The following WDR20 variants were observed in gnomAD, a reference collection of about 807,000 sequenced individuals.
The protein encoded by WDR20 is WD repeat domain 20, also known as WD repeat-containing protein 20.
WDR20 carries 3 observed loss-of-function variants against 38.7 expected under a neutral mutation model. The observed-to-expected ratio is 0.08, with a 90% CI of 0.04 to 0.20. WDR20 has a LOEUF of 0.20. WDR20 is among the 10% of genes least tolerant of loss of function. WDR20 has a pLI of 1.00. For synonymous variants in WDR20, 298 were observed against 285.6 expected, an observed-to-expected ratio of 1.04 and a Z score of -0.44; for missense variants, 559 against 727.7, an observed-to-expected ratio of 0.77 and a Z score of 2.67.
At chr14:102,165,269 C>A (rs1471139493) in intron 1 of WDR20, among the ~76,000 whole-genome samples, 2 of 152,166 alleles carry the variant, frequency 1.3e-5, no homozygotes, top group African/African-American at 4.8e-5. Flanking sequence ...TGGGTGGCTG[C>A]TGGGTTCAGT....
chr14:102,217,672 G>A (rs1165595544), downstream of WDR20, among the ~76,000 whole-genome samples: 1 of 152,228 alleles, frequency 6.6e-6, no homozygotes, highest in African/African-American at 2.4e-5. Flanking sequence ...ACTGGCTTCG[G>A]GTGCCGTGAA....
chr14:102,172,445 G>T (rs1312576655), intron 1 of WDR20, among the ~76,000 whole-genome samples: 5 of 151,196 alleles, frequency 3.3e-5, no homozygotes, highest in African/African-American at 4.8e-5. Flanking sequence ...ACGGGGTGGT[G>T]GCCGGGCAGA....
intron 1 of WDR20, among the ~76,000 whole-genome samples, chr14:102,141,429 A>G (rs1320755282): frequency 2.6e-5 from 4 of 152,096 alleles, no homozygotes; most frequent in Non-Finnish European, 5.9e-5. Flanking sequence ...TTATGATAAT[A>G]AGTGTACCAC....
Position 102,209,619 on chromosome 14 carries a change from C to T in WDR20, c.1449C>T (p.Ser483=). The T allele has an allele frequency of 6.2e-7, 1 of 1,614,230 alleles. No homozygotes were observed. The highest frequency in any genetic ancestry group is 8.5e-7 in the Non-Finnish European group (1 of 1,180,044). Residue 483 remains serine (S), a synonymous_variant, in exon 3 of 3, where the codon AGC becomes AGT. Transcript: ENST00000342702. The surrounding 1 kb of genome is among the most constrained non-coding windows in gnomAD (Gnocchi z 6.0). ...HHEKDHKRNH[S]MGHISSKSSD... ...AGAAAGATCACAAGCGAAATCATAGCATGGGACACATTTCTAGCAAGAGCA... is the reference window on the plus strand; with the variant it reads ...AGAAAGATCACAAGCGAAATCATAGTATGGGACACATTTCTAGCAAGAGCA...
Position 102,222,077 on chromosome 14 carries a change from T to C in WDR20, c.1693-753T>C, listed in dbSNP as rs1157184081. Among the ~76,000 whole-genome samples the C allele has an allele frequency of 1.3e-5, 2 of 152,026 alleles. No homozygotes were observed. The highest frequency in any genetic ancestry group is 2.9e-5 in the Non-Finnish European group (2 of 67,986). ...TCACACCAGTATTGTAAAATCTGGG[T>C]GAGATTCCCCGCCCCCGCCCCCGAC... On this transcript the variant is annotated intron_variant, in intron 3 of 3. Transcript: ENST00000335263. The surrounding 1 kb of genome is among the most constrained non-coding windows in gnomAD (Gnocchi z 4.4).
At chr14:102,169,222 C>T (rs536704970) in intron 1 of WDR20, among the ~76,000 whole-genome samples, 26 of 152,252 alleles carry the variant, frequency 1.7e-4, no homozygotes, top group African/African-American at 6.3e-4. Flanking sequence ...GTGGCCATGG[C>T]GCTGGCTCCC....
intron 1 of WDR20, among the ~76,000 whole-genome samples, chr14:102,175,936 TC>T (rs1251717437): frequency 6.6e-6 from 1 of 152,202 alleles, no homozygotes; most frequent in Non-Finnish European, 1.5e-5. Context: ...ATTTATCAGA[TC>T]TAGGAGCTTT....
chr14:102,214,244 G>GCC (rs71468392), downstream of WDR20: 10 of 985,472 alleles, frequency 1.0e-5, no homozygotes, highest in African/African-American at 1.7e-5. Flanking sequence ...AGCCTGCAGG[G>GCC]CCCCCCCTTG....
At chr14:102,185,488 G>A (rs959140730) in intron 1 of WDR20, among the ~76,000 whole-genome samples, 8 of 151,982 alleles carry the variant, frequency 5.3e-5, no homozygotes, top group Non-Finnish European at 1.0e-4. Flanking sequence ...AGTAGACGGC[G>A]GTGCAGCAGA....
chr14:102,179,696 A>C (rs887710721), intron 1 of WDR20, among the ~76,000 whole-genome samples: 1 of 152,008 alleles, frequency 6.6e-6, no homozygotes, highest in African/African-American at 2.4e-5. Context: ...TTCATTTTCA[A>C]ATCCCTCCCC....
At chr14:102,172,172 A>G (rs1409087403) in intron 1 of WDR20, among the ~76,000 whole-genome samples, 1 of 151,274 alleles carries the variant, frequency 6.6e-6, no homozygotes, top group Non-Finnish European at 1.5e-5. Context: ...CCCTTAATCC[A>G]TTTAACCCTG....
chr14:102,203,312 A>C (rs1320708911), intron 2 of WDR20, among the ~76,000 whole-genome samples: 2 of 152,216 alleles, frequency 1.3e-5, no homozygotes, highest in East Asian at 1.9e-4. Flanking sequence ...TTATATATAT[A>C]TCTCCAAAAT....
At chr14:102,150,750 G>A (rs2055494505) in intron 1 of WDR20, among the ~76,000 whole-genome samples, 1 of 152,068 alleles carries the variant, frequency 6.6e-6, no homozygotes, top group Admixed American at 6.6e-5. Context: ...CCAGACTTTG[G>A]GAAATCAAAG....
In WDR20 at chr14:102,220,984, C is replaced by G. The variant is rs1256978196; in HGVS notation, c.1693-1846C>G. Among the ~76,000 whole-genome samples the G allele has an allele frequency of 6.6e-6, 1 of 152,188 alleles. No homozygotes were observed. On this transcript the variant is annotated intron_variant, in intron 3 of 3. Transcript: ENST00000335263. The surrounding 1 kb of genome is among the most constrained non-coding windows in gnomAD (Gnocchi z 4.2). ...GTTTCACCATGTTGGCCAGGCTGGTCTCAGACTCCTGGGCTCAAGTAATCT... is the reference window on the plus strand; with the variant it reads ...GTTTCACCATGTTGGCCAGGCTGGTGTCAGACTCCTGGGCTCAAGTAATCT...
At chr14:102,202,205 TC>T (rs1485916736) in intron 2 of WDR20, among the ~76,000 whole-genome samples, 2 of 150,894 alleles carry the variant, frequency 1.3e-5, no homozygotes, top group South Asian at 2.1e-4. Context: ...GTGCACTCCA[TC>T]CCTCTAGGGC....
In WDR20 at chr14:102,220,650, G is replaced by A. The variant is rs1246767751; in HGVS notation, c.1693-2180G>A. ...CAGGAGAATCACTTGAACCCAGGAG[G>A]TGGAGCTTGCAGTGAGCCAAGATCG... On this transcript the variant is annotated intron_variant, in intron 3 of 3. Transcript: ENST00000335263. The surrounding 1 kb of genome is among the most constrained non-coding windows in gnomAD (Gnocchi z 4.2). Among the ~76,000 whole-genome samples, 2 of 150,904 alleles carry A rather than the reference G, an allele frequency of 1.3e-5. No individual in the cohort carries two copies. Among genetic ancestry groups the A allele is most frequent in the African/African-American group, 4.9e-5 (2 of 40,864 alleles).
chr14:102,196,319 T>C (rs192246467), intron 2 of WDR20, among the ~76,000 whole-genome samples: 240 of 152,268 alleles, frequency 1.6e-3, no homozygotes, highest in African/African-American at 5.5e-3. Flanking sequence ...AATCCCATTT[T>C]CCATTAAAAA....
At chr14:102,173,434 ATTATTATTATTATTATT>A (rs2061394593) in intron 1 of WDR20, among the ~76,000 whole-genome samples, 1 of 698 alleles carries the variant, frequency 1.4e-3, no homozygotes, top group Admixed American at 0.016. Flanking sequence ...TTTTTTTAAA[ATTATTATTATTATTATT>A]ATTATTATTA....
At chr14:102,139,527 G>T, upstream of WDR20, 1 of 1,027,438 alleles carries the variant, frequency 9.7e-7, no homozygotes, top group Non-Finnish European at 1.4e-6. Context: ...CGCTGAGGAG[G>T]CACCCTCAAG....
Sources: allele counts gnomAD v4.1 joint callset (sites outside exome capture counted in the v4.1 genomes callset), GRCh38; gene constraint gnomAD v4.1.1; non-coding constraint Gnocchi (gnomAD v3.1); transcripts MANE v1.5; gene names NCBI Gene and HGNC (gene_info 2026-07-23, HGNC 2026-07-21).